Variants in NRXN3 observed in about 807,000 individuals in gnomAD.
NRXN3 encodes neurexin 3.
In NRXN3, 32 loss-of-function variants were observed where a neutral mutation model predicts 137.6. That is an observed-to-expected ratio of 0.23 (90% CI 0.18 to 0.31). The LOEUF (loss-of-function observed/expected upper bound fraction) is 0.31, where lower values mean the gene tolerates loss of function less well. NRXN3 is among the 10% of genes least tolerant of loss of function. The pLI is 1.00. For synonymous variants in NRXN3, 798 were observed against 784.5 expected (o/e 1.02, Z -0.29); for missense variants, 1,574 against 2,062.5 (o/e 0.76, Z 4.59).
In NRXN3 at chr14:78,716,068, C is replaced by T. The variant is rs545753122; in HGVS notation, c.2044+929C>T. ...GAACTGTTGGGGTGGGGAGGAGGGGCATGAGAGGGGACCAAAGAGATGAGG... is the reference window on the plus strand; with the variant it reads ...GAACTGTTGGGGTGGGGAGGAGGGGTATGAGAGGGGACCAAAGAGATGAGG... On this transcript the variant is annotated intron_variant, in intron 8 of 20. Transcript: ENST00000335750. Among the ~76,000 whole-genome samples the T allele has an allele frequency of 7.9e-5, 12 of 152,048 alleles. No homozygotes were observed. In the South Asian group the frequency reaches 2.3e-3, roughly 29 times the overall value.
intron 20 of NRXN3, among the ~76,000 whole-genome samples, chr14:79,812,883 TC>T (rs1226335051): frequency 1.3e-5 from 2 of 152,040 alleles, no homozygotes; most frequent in African/African-American, 4.8e-5. Flanking sequence ...ATTAAGCAAG[TC>T]CCCCAAAAAT....
chr14:78,553,191 C>T (rs953858828), intron 4 of NRXN3, among the ~76,000 whole-genome samples: 2 of 152,050 alleles, frequency 1.3e-5, no homozygotes, highest in Admixed American at 6.5e-5. Flanking sequence ...GTATCATTTA[C>T]GCCGTCCTTT....
chr14:78,516,124 C>G (rs1599744349), intron 4 of NRXN3, among the ~76,000 whole-genome samples: 1 of 152,000 alleles, frequency 6.6e-6, no homozygotes, highest in African/African-American at 2.4e-5. Context: ...GCCTCAATCA[C>G]AAAATTCATG....
At chr14:79,407,004 C>T (rs1296996604) in intron 15 of NRXN3, among the ~76,000 whole-genome samples, 1 of 152,086 alleles carries the variant, frequency 6.6e-6, no homozygotes, top group African/African-American at 2.4e-5. Context: ...TATGGTCCCC[C>T]TGAGTTTGAG....
chr14:79,628,834 T>C (rs970775263), intron 16 of NRXN3, among the ~76,000 whole-genome samples: 1 of 152,198 alleles, frequency 6.6e-6, no homozygotes, highest in Admixed American at 6.5e-5. Context: ...AGTAGAAGCA[T>C]TTCTAATCAT....
intron 4 of NRXN3, among the ~76,000 whole-genome samples, chr14:78,592,924 G>A (rs1171830265): frequency 2.6e-5 from 4 of 152,206 alleles, no homozygotes; most frequent in Non-Finnish European, 5.9e-5. Flanking sequence ...TGCTCTGTTG[G>A]CTTGCAAAGT....
intron 4 of NRXN3, among the ~76,000 whole-genome samples, chr14:78,448,419 CATTGGGTTTGGGT>C (rs2094472719): frequency 6.6e-6 from 1 of 152,162 alleles, no homozygotes; most frequent in Non-Finnish European, 1.5e-5. Context: ...GCATTAAGAA[CATTGGGTTTGGGT>C]AGCCAAATGA....
intron 15 of NRXN3, among the ~76,000 whole-genome samples, chr14:78,989,359 GT>G (rs760714409): frequency 1.3e-5 from 2 of 151,966 alleles, no homozygotes; most frequent in Admixed American, 6.5e-5. Flanking sequence ...TCTTTTTCCC[GT>G]TTTTTCTCAG....
At chr14:78,307,764 G>C (rs1206038938) in intron 4 of NRXN3, among the ~76,000 whole-genome samples, 1 of 152,108 alleles carries the variant, frequency 6.6e-6, no homozygotes, top group Non-Finnish European at 1.5e-5. Context: ...TGTAAAGCAA[G>C]GGCAGAAGCG....
chr14:78,515,622 A>G (rs2096192700), intron 4 of NRXN3, among the ~76,000 whole-genome samples: 1 of 152,134 alleles, frequency 6.6e-6, no homozygotes, highest in African/African-American at 2.4e-5. Context: ...GATTTCACTA[A>G]TAGGAGGGCA....
At chr14:79,194,067 G>A (rs867916366) in intron 15 of NRXN3, among the ~76,000 whole-genome samples, 4 of 152,100 alleles carry the variant, frequency 2.6e-5, no homozygotes, top group South Asian at 4.1e-4. Flanking sequence ...TGTAATTAGC[G>A]CAATTTTCAG....
At chr14:78,979,531 A>G (rs1039568662) in intron 14 of NRXN3, among the ~76,000 whole-genome samples, 16 of 152,210 alleles carry the variant, frequency 1.1e-4, no homozygotes, top group African/African-American at 3.9e-4. Flanking sequence ...TTTCCTATAA[A>G]ACAATGTAAA....
intron 14 of NRXN3, among the ~76,000 whole-genome samples, chr14:78,979,627 T>C (rs1403405422): frequency 6.6e-6 from 1 of 152,198 alleles, no homozygotes; most frequent in Non-Finnish European, 1.5e-5. Context: ...AGACAGTTCA[T>C]GGCATGTATT....
At chr14:78,488,897 T>TGA (rs1193013980) in intron 4 of NRXN3, among the ~76,000 whole-genome samples, 2 of 150,014 alleles carry the variant, frequency 1.3e-5, no homozygotes, top group Admixed American at 1.3e-4. Context: ...AGGAAAGAGA[T>TGA]GAGGAAAGGG....
chr14:78,747,495 G>A (rs757616755), intron 8 of NRXN3, among the ~76,000 whole-genome samples: 3 of 152,180 alleles, frequency 2.0e-5, no homozygotes, highest in African/African-American at 7.2e-5. Context: ...TATTTCACGT[G>A]CTTTAGTGGT....
chr14:79,534,561 C>A (rs1405080918), intron 16 of NRXN3, among the ~76,000 whole-genome samples: 2 of 151,812 alleles, frequency 1.3e-5, no homozygotes, highest in African/African-American at 4.8e-5. Flanking sequence ...CCCTTTAAAA[C>A]AAAACTCTCC....
At chr14:79,135,873 TG>T (rs1175011569) in intron 15 of NRXN3, among the ~76,000 whole-genome samples, 1 of 152,212 alleles carries the variant, frequency 6.6e-6, no homozygotes, top group African/African-American at 2.4e-5. Context: ...AGCTCATTGT[TG>T]ACTGAGCCTT....
intron 4 of NRXN3, among the ~76,000 whole-genome samples, chr14:78,480,241 C>T (rs1352048274): frequency 6.6e-6 from 1 of 152,182 alleles, no homozygotes; most frequent in Admixed American, 6.5e-5. Context: ...ATAGTGGCTG[C>T]AATTCTCATT....
chr14:79,763,009 CCCTCCCCTAG>C (rs1407098210), intron 19 of NRXN3, among the ~76,000 whole-genome samples: 1 of 151,316 alleles, frequency 6.6e-6, no homozygotes, highest in Non-Finnish European at 1.5e-5. Context: ...CTAATGCTAT[CCCTCCCCTAG>C]CCTCCCACCC....
Sources: gnomAD v4.1 joint callset for allele counts (sites outside exome capture counted in the v4.1 genomes callset) on GRCh38, gnomAD v4.1.1 for gene constraint, MANE v1.5 for transcripts, NCBI Gene and HGNC (gene_info 2026-07-23, HGNC 2026-07-21) for gene names.